Variants in SULF2 observed in about 807,000 individuals in gnomAD.
SULF2 encodes the protein extracellular sulfatase Sulf-2.
A neutral mutation model predicts 107.7 loss-of-function variants in SULF2; 52 were observed. That is an observed-to-expected ratio of 0.48 (90% confidence interval 0.39 to 0.61). The LOEUF is 0.61. Among genes scored for constraint, SULF2 ranks in the 20% least tolerant of loss-of-function variants. The pLI is 0.00. For missense variants in SULF2, 993 were observed against 1,177.3 expected, an observed-to-expected ratio of 0.84 and a Z score of 2.29; for synonymous variants, 460 against 464.3, an observed-to-expected ratio of 0.99 and a Z score of 0.12.
At chr20:47,727,282 C>A (rs1245628137) in intron 3 of SULF2, among the ~76,000 whole-genome samples, 1 of 152,026 alleles carries the variant, frequency 6.6e-6, no homozygotes, top group Admixed American at 6.6e-5. Context: ...GAGGAGCAGG[C>A]CACGGGAAGA....
chr20:47,735,497 G>A (rs1568877169), intron 3 of SULF2, among the ~76,000 whole-genome samples: 1 of 152,114 alleles, frequency 6.6e-6, no homozygotes, highest in Non-Finnish European at 1.5e-5. Flanking sequence ...GCTGTGCTGC[G>A]GGCCTGCCTG....
At chr20:47,697,027 A>G (rs549544029) in intron 4 of SULF2, among the ~76,000 whole-genome samples, 2 of 152,212 alleles carry the variant, frequency 1.3e-5, no homozygotes, top group Non-Finnish European at 2.9e-5. Context: ...GGCGGGGCAC[A>G]TGAAGTTCAT....
At chr20:47,659,645 A>T (rs2087002044) in intron 19 of SULF2, 52 bp downstream of exon 19, 3 of 1,527,408 alleles carry the variant, frequency 2.0e-6, no homozygotes, top group African/African-American at 2.7e-5. Flanking sequence ...AGACTGAAGG[A>T]TGGGCCAAGA....
chr20:47,728,572 G>C (rs2146739294), intron 3 of SULF2, among the ~76,000 whole-genome samples: 1 of 152,260 alleles, frequency 6.6e-6, no homozygotes, highest in South Asian at 2.1e-4. Context: ...ACCTACGATG[G>C]GGTGGGCACT....
intron 3 of SULF2, among the ~76,000 whole-genome samples, chr20:47,705,788 C>A (rs990336802): frequency 4.9e-5 from 7 of 143,114 alleles, no homozygotes; most frequent in South Asian, 2.3e-4. Context: ...ATCCAAGAAA[C>A]CTTTTCTTTT....
intron 3 of SULF2, among the ~76,000 whole-genome samples, chr20:47,711,623 A>G (rs1432734707): frequency 6.6e-6 from 1 of 152,238 alleles, no homozygotes; most frequent in Non-Finnish European, 1.5e-5. Context: ...ATTAAAGGTA[A>G]TCGACAAACA....
At chr20:47,682,967 TGG>T in intron 7 of SULF2, 25 bp downstream of exon 7, 1 of 1,563,324 alleles carries the variant, frequency 6.4e-7, no homozygotes, top group African/African-American at 1.4e-5. Flanking sequence ...GGGGCCTCCC[TGG>T]GTCCCTGGGG....
chr20:47,679,947 C>A (rs2087770051), intron 7 of SULF2, among the ~76,000 whole-genome samples: 1 of 149,580 alleles, frequency 6.7e-6, no homozygotes, highest in South Asian at 2.2e-4. Context: ...TTACTTATTT[C>A]TCTGGCTTAT....
intron 11 of SULF2, 148 bp downstream of exon 11, chr20:47,672,050 C>T (rs1211126451): frequency 5.2e-6 from 4 of 765,702 alleles, no homozygotes; most frequent in Non-Finnish European, 8.3e-6. Flanking sequence ...GAATGGGTGG[C>T]TCGTGAGGAG....
rs201251137 is a variant in SULF2 at position 47,736,968 on chromosome 20, C to T, written c.176-26G>A. On this transcript the variant is annotated intron_variant, in intron 2 of 20. Transcript: ENST00000688720. ...CTGCAAGTCAAGGGTGGAAGTAAGG[C>T]GCAGGGCAGGAGACCCGGGCGGCAC... The T allele has an allele frequency of 6.0e-5, 96 of 1,613,086 alleles. 1 individual carries two copies. Among genetic ancestry groups the T allele is most frequent in the East Asian group, 3.1e-4 (14 of 44,882 alleles).
In SULF2 at chr20:47,658,006, C is replaced by T. The variant is rs2086948493; in HGVS notation, c.*356G>A. ...CCCTATGATTTAAAAATTCCAATGA[C>T]TTTCGCCCTTGGGAGAAATTTCCAA... On this transcript the variant is annotated 3_prime_UTR_variant, in exon 21 of 21. Transcript: ENST00000688720. 3.4e-6 allele frequency: 1 copy of T among 298,096 alleles called. No homozygotes were observed. Among genetic ancestry groups the T allele is most frequent in the South Asian group, 5.7e-5 (1 of 17,546 alleles). 18.5% of individuals were successfully genotyped at this position (298,096 alleles called of 1,614,324 possible). A position where few individuals can be genotyped will look rare whatever the true frequency, so the allele number is the denominator to read the frequency against.
In SULF2 at chr20:47,678,457, C is replaced by T; in HGVS notation, c.1193+219G>A. On this transcript the variant is annotated intron_variant, in intron 8 of 20. Coordinates refer to ENST00000688720, the MANE Select transcript of SULF2 (RefSeq NM_001387048.1). The surrounding 1 kb of genome is among the most constrained non-coding windows in gnomAD (Gnocchi z 4.5). ...GTAATTTTAGCTCAGAGAAGGTCCC[C>T]AACTGGTCACCTTGGCCACATTCCA... 1 of 611,194 alleles carries T rather than the reference C, an allele frequency of 1.6e-6. No individual in the cohort carries two copies. Among genetic ancestry groups the T allele is most frequent in the Non-Finnish European group, 2.9e-6 (1 of 344,596 alleles). 37.9% of individuals were successfully genotyped at this position (611,194 alleles called of 1,614,324 possible).
At chr20:47,741,165 G>A (rs891698676) in intron 2 of SULF2, among the ~76,000 whole-genome samples, 4 of 151,988 alleles carry the variant, frequency 2.6e-5, no homozygotes, top group East Asian at 3.9e-4. Flanking sequence ...GACACTCTCC[G>A]GGGCTCCTGC....
At position 47,702,613 on chromosome 20, in the gene SULF2, T is replaced by C; in HGVS notation, c.473A>G (p.Lys158Arg). Residue 158 changes from lysine (K) to arginine (R), a missense_variant, in exon 4 of 21, where the codon AAG (lysine) becomes AGG (arginine). Physicochemically the swap from Lys to Arg is conservative, Grantham distance 26. Transcript: ENST00000688720. ...GTTTTTAAGGAGTCCGACCCACTCCTTCCAGCCGGGTGGCACGTAGGAGCC... is the reference window on the plus strand; with the variant it reads ...GTTTTTAAGGAGTCCGACCCACTCCCTCCAGCCGGGTGGCACGTAGGAGCC... Reference protein sequence around the residue: ...YNGSYVPPGWKEWVGLLKNSR... With the variant: ...YNGSYVPPGWREWVGLLKNSR... 6.2e-7 allele frequency: 1 copy of C among 1,613,928 alleles called. No homozygotes were observed. The highest frequency in any genetic ancestry group is 8.5e-7 in the Non-Finnish European group (1 of 1,180,016).
chr20:47,710,863 CTGAGT>C (rs1476374286), intron 3 of SULF2, among the ~76,000 whole-genome samples: 1 of 152,174 alleles, frequency 6.6e-6, no homozygotes, highest in African/African-American at 2.4e-5. Context: ...CCCCATTTGT[CTGAGT>C]TAAGTGCTCC....
At chr20:47,750,818 G>A (rs2090143072) in intron 2 of SULF2, among the ~76,000 whole-genome samples, 1 of 152,154 alleles carries the variant, frequency 6.6e-6, no homozygotes, top group Non-Finnish European at 1.5e-5. Flanking sequence ...TGCTGAGACC[G>A]CATCTGCCTC....
intron 1 of SULF2, among the ~76,000 whole-genome samples, chr20:47,778,625 A>G (rs2090767125): frequency 6.6e-6 from 1 of 151,522 alleles, no homozygotes; most frequent in South Asian, 2.1e-4. Context: ...ACAAGGCCCG[A>G]GATCCCACAT....
intron 3 of SULF2, among the ~76,000 whole-genome samples, chr20:47,722,418 G>C (rs1285428803): frequency 6.6e-6 from 1 of 151,992 alleles, no homozygotes; most frequent in Non-Finnish European, 1.5e-5. Context: ...GTGCCACTAT[G>C]CCTGGCCAGT....
chr20:47,704,462 G>A (rs1349267129), intron 3 of SULF2, among the ~76,000 whole-genome samples: 1 of 152,050 alleles, frequency 6.6e-6, no homozygotes, highest in East Asian at 1.9e-4. Flanking sequence ...TTGTAGAGAA[G>A]GGGTCTCGCC....
Sources: gnomAD v4.1 joint callset for allele counts (sites outside exome capture counted in the v4.1 genomes callset) on GRCh38, gnomAD v4.1.1 for gene constraint, Gnocchi (gnomAD v3.1) non-coding constraint, MANE v1.5 for transcripts, NCBI Gene and HGNC (gene_info 2026-07-23, HGNC 2026-07-21) for gene names.